The following LAMA1 variants were observed in gnomAD, a reference collection of about 807,000 sequenced individuals.
LAMA1 encodes the protein laminin subunit alpha-1.
LAMA1 carries 219 observed loss-of-function variants against 348.7 expected under a neutral mutation model. That is an observed-to-expected ratio of 0.63 (90% CI 0.56 to 0.70). The LOEUF (loss-of-function observed/expected upper bound fraction) is 0.70, where lower values mean the gene tolerates loss of function less well. LAMA1 is among the 30% of genes least tolerant of loss of function. The probability of loss-of-function intolerance (pLI) is 0.00; values close to 1 mark genes in which losing one functional copy is unlikely to be tolerated. For missense variants in LAMA1, 3,744 were observed against 3,888.0 expected (o/e 0.96, Z 0.99); for synonymous variants, 1,487 against 1,491.0 (o/e 1.00, Z 0.06).
At chr18:7,045,710 C>T (rs75906707) in intron 6 of LAMA1, among the ~76,000 whole-genome samples, 3,474 of 152,008 alleles carry the variant, frequency 0.023, 126 homozygotes, top group African/African-American at 0.074. Flanking sequence ...AGGTGCATAC[C>T]ACCACGCCCC....
intron 19 of LAMA1, among the ~76,000 whole-genome samples, chr18:7,018,918 G>C (rs924314838): frequency 6.6e-6 from 1 of 152,092 alleles, no homozygotes; most frequent in Non-Finnish European, 1.5e-5. Flanking sequence ...CAGGCTGGCC[G>C]TCTGTTTTCC....
At chr18:6,993,162 A>G (rs941102325) in intron 35 of LAMA1, among the ~76,000 whole-genome samples, 5 of 152,298 alleles carry the variant, frequency 3.3e-5, no homozygotes, top group South Asian at 2.1e-4. Context: ...TGGATTCTGT[A>G]CTTTTTAAGC....
chr18:7,099,401 C>T (rs945822201), intron 1 of LAMA1, among the ~76,000 whole-genome samples: 1 of 151,656 alleles, frequency 6.6e-6, no homozygotes, highest in Admixed American at 6.6e-5. Flanking sequence ...CTGACCTTCC[C>T]TCCACTATTG....
At chr18:7,015,299 T>C (rs1189755020) in intron 22 of LAMA1, among the ~76,000 whole-genome samples, 2 of 152,200 alleles carry the variant, frequency 1.3e-5, no homozygotes, top group Non-Finnish European at 2.9e-5. Context: ...AGATAGAGTC[T>C]TTCTCTGTTG....
Position 7,040,253 on chromosome 18 carries a change from G to A in LAMA1, c.1262-17C>T, listed in dbSNP as rs1363388957. On this transcript the variant is annotated splice_polypyrimidine_tract_variant and intron_variant, in intron 9 of 62. Transcript: ENST00000389658. Reference sequence around the variant, plus strand: ...GCTGCTTCCCTAGAAAGACAACAATGGCAATGACCCAACATGAAGGCAAAA... The same window carrying A: ...GCTGCTTCCCTAGAAAGACAACAATAGCAATGACCCAACATGAAGGCAAAA... 6.2e-7 allele frequency: 1 copy of A among 1,613,876 alleles called. No individual in the cohort carries two copies. The highest frequency in any genetic ancestry group is 1.1e-5 in the South Asian group (1 of 91,070).
rs374851540 is a variant in LAMA1 at position 7,026,037 on chromosome 18, G to C, written c.2344C>G (p.Arg782Gly). 6.2e-7 allele frequency: 1 copy of C among 1,609,830 alleles called. No homozygotes were observed. Among genetic ancestry groups the C allele is most frequent in the Non-Finnish European group, 8.5e-7 (1 of 1,178,034 alleles). The part of the protein sequence containing the change: ...CLPGFYGEPS[R>G]GTPGDCQPCA... ...GGCTGGCAGTCCCCAGGTGTCCCTCGGGAAGGCTCCCCGTAGAAGCCGGGC... is the reference window on the plus strand; with the variant it reads ...GGCTGGCAGTCCCCAGGTGTCCCTCCGGAAGGCTCCCCGTAGAAGCCGGGC... The change falls in exon 17 of 63, where the codon CGA becomes GGA. Residue 782 changes from arginine (R) to glycine (G), a missense_variant. By Grantham distance (125) the Arg-to-Gly change is moderately radical. This residue lies in a region of LAMA1 where 1,529 missense variants were observed against 1,689.4 expected (regional missense o/e 0.91). Transcript: ENST00000389658.
At chr18:7,064,076 A>G (rs979026655) in intron 3 of LAMA1, among the ~76,000 whole-genome samples, 1 of 152,022 alleles carries the variant, frequency 6.6e-6, no homozygotes, top group Non-Finnish European at 1.5e-5. Flanking sequence ...CTGTCTTTGT[A>G]TTGAAGGCAG....
intron 1 of LAMA1, 41 bp downstream of exon 1, chr18:7,117,618 GC>G: frequency 1.9e-6 from 3 of 1,584,184 alleles, no homozygotes; most frequent in Non-Finnish European, 2.6e-6. Flanking sequence ...CCGCCCGCCC[GC>G]CTGCGGGGGA....
At chr18:7,084,174 T>C (rs1454228445) in intron 1 of LAMA1, among the ~76,000 whole-genome samples, 2 of 151,804 alleles carry the variant, frequency 1.3e-5, no homozygotes, top group East Asian at 1.9e-4. Flanking sequence ...ATTTTTTTTT[T>C]AGATGGGGTT....
intron 12 of LAMA1, among the ~76,000 whole-genome samples, chr18:7,036,363 A>G (rs1330692382): frequency 6.6e-6 from 1 of 152,230 alleles, no homozygotes; most frequent in Non-Finnish European, 1.5e-5. Context: ...AATTACTATA[A>G]ACTTTTGTTA....
chr18:6,957,157 T>C, intron 55 of LAMA1: 1 of 311,558 alleles, frequency 3.2e-6, no homozygotes, highest in Non-Finnish European at 6.3e-6. Context: ...TTTACGTGCT[T>C]CCCCTTGCCA....
intron 1 of LAMA1, among the ~76,000 whole-genome samples, chr18:7,093,277 G>C (rs750286334): frequency 3.3e-5 from 5 of 152,072 alleles, no homozygotes; most frequent in South Asian, 2.1e-4. Context: ...TTAGCCGGGC[G>C]GGGTGGCGGG....
At chr18:6,948,303 A>G in intron 60 of LAMA1, 100 bp downstream of exon 60, 1 of 1,492,112 alleles carries the variant, frequency 6.7e-7, no homozygotes, top group Non-Finnish European at 9.3e-7. Flanking sequence ...GTTTTCCTGC[A>G]GCCTTGTCCA....
chr18:7,096,463 GC>G (rs1191598519), intron 1 of LAMA1, among the ~76,000 whole-genome samples: 1 of 152,126 alleles, frequency 6.6e-6, no homozygotes, highest in African/African-American at 2.4e-5. Flanking sequence ...GACTGCTTGA[GC>G]CCAGGAGTAC....
chr18:7,038,880 C>G lies in LAMA1; in HGVS notation c.1493G>C (p.Arg498Pro). The G allele has an allele frequency of 1.9e-6, 3 of 1,614,138 alleles. 1 individual carries two copies. In the South Asian group the frequency reaches 3.3e-5, roughly 18 times the overall value. ...AAAGCAGAAGCACTCGGAGCAGCCC[C>G]GGGGGTTTTTTTCCTTCAAGTTATA... ...GFYNLKEKNP[R>P]GCSECFCFGV... The change falls in exon 11 of 63, where the codon CGG (arginine) becomes CCG (proline). Residue 498 changes from arginine (R) to proline (P), a missense_variant. This residue lies in a region of LAMA1 where 1,529 missense variants were observed against 1,689.4 expected (regional missense o/e 0.91). Transcript: ENST00000389658.
chr18:6,965,858 G>C (rs2057630752), intron 49 of LAMA1: 1 of 432,862 alleles, frequency 2.3e-6, no homozygotes, highest in African/African-American at 2.0e-5. Context: ...TATTATTTGA[G>C]CTCGAAATTT....
chr18:6,947,426 G>T, intron 60 of LAMA1, 130 bp from the exon 61 acceptor site: 1 of 1,060,054 alleles, frequency 9.4e-7, no homozygotes, highest in Non-Finnish European at 1.4e-6. Flanking sequence ...ATCCCCACCA[G>T]CAGGTCACTC....
Position 6,978,389 on chromosome 18 carries a change from T to C in LAMA1, c.6008-11A>G, listed in dbSNP as rs2057692865. On this transcript the variant is annotated splice_polypyrimidine_tract_variant and intron_variant, in intron 42 of 62. Coordinates refer to ENST00000389658, the MANE Select transcript of LAMA1 (RefSeq NM_005559.4). ...CCTTGTCTCTTATACCTAAAATAAA[T>C]GTATATAAAAGCATGCACTTCTGGT... 6.2e-7 allele frequency: 1 copy of C among 1,613,030 alleles called. No individual in the cohort carries two copies.
Position 7,038,950 on chromosome 18 carries a change from C to T in LAMA1, c.1423G>A (p.Glu475Lys), listed in dbSNP as rs754588612. ...EPCTGPCVCK[E>K]NVEGKACDRC... ...TCACAGGCCTTCCCCTCAACGTTTT[C>T]CTGTAAGTTAGGGTAAAAGATTAGC... The change falls in exon 11 of 63, where the codon GAA becomes AAA. Residue 475 changes from glutamate to lysine, a missense_variant and splice_region_variant. Glu to Lys is a moderately conservative substitution (Grantham distance 56). Around this residue, in one of 3 missense-constraint regions of LAMA1, gnomAD observed 1,529 missense variants for 1,689.4 expected, o/e 0.91. Coordinates refer to ENST00000389658, the MANE Select transcript of LAMA1 (RefSeq NM_005559.4). The T allele has an allele frequency of 1.3e-5, 21 of 1,612,620 alleles. No individual in the cohort carries two copies. The East Asian group carries it at 4.7e-4, about 36-fold the overall frequency.
Sources: gnomAD v4.1 joint callset for allele counts (sites outside exome capture counted in the v4.1 genomes callset) on GRCh38, gnomAD v4.1.1 for gene constraint, gnomAD v4.1.1 regional missense constraint, MANE v1.5 for transcripts, NCBI Gene and HGNC (gene_info 2026-07-23, HGNC 2026-07-21) for gene names.